The following CASP4 variants were observed in gnomAD, a reference collection of about 807,000 sequenced individuals.
CASP4 encodes the protein caspase-4.
CASP4 carries 29 observed loss-of-function variants against 41.3 expected under a neutral mutation model. The ratio of observed to expected loss-of-function variants is 0.70; its 90% confidence interval spans 0.52 to 0.96. CASP4 has a LOEUF of 0.96. CASP4 is among the 40% of genes least tolerant of loss of function. The pLI is 0.00. For synonymous variants in CASP4, 185 were observed against 158.4 expected (o/e 1.17, Z -1.26); for missense variants, 447 against 460.6 (o/e 0.97, Z 0.27).
rs749393135 is a variant in CASP4 at position 104,947,067 on chromosome 11, GAA to G, written c.1035+14_1035+15del. 53 of 1,493,738 alleles carry G rather than the reference GAA, an allele frequency of 3.5e-5. No homozygotes were observed. The South Asian group carries it at 5.2e-4, about 15-fold the overall frequency. The allele number at this position is 1,493,738 out of a possible 1,614,324, so 92.5% of individuals were successfully genotyped here. ...TCCTGAAGAAATAAATGAGTAACTA[GAA>G]AAGAGACACTTACCTTCCGAAATAC... On this transcript the variant is annotated intron_variant, in intron 7 of 8. Transcript: ENST00000444739.
At chr11:104,966,778 G>A (rs1860985053) in intron 1 of CASP4, among the ~76,000 whole-genome samples, 1 of 152,128 alleles carries the variant, frequency 6.6e-6, no homozygotes, top group Non-Finnish European at 1.5e-5. Flanking sequence ...TAGATTAATG[G>A]CAGAGTTTGA....
chr11:104,949,640 C>A lies in CASP4; in HGVS notation c.684G>T (p.Val228=). 1 of 1,613,996 alleles carries A rather than the reference C, an allele frequency of 6.2e-7. No homozygotes were observed. Among genetic ancestry groups the A allele is most frequent in the Non-Finnish European group, 8.5e-7 (1 of 1,179,916 alleles). ...GTVHDEKKPD[V]LLYDTIFQIF... ...TCTGGAAGATGGTGTCATAAAGCAG[C>A]ACATCTGGTTTTTTCTCATCATGCA... is the stretch of plus-strand genomic sequence containing the variant. Residue 228 remains valine, a synonymous_variant, in exon 5 of 9, where the codon GTG becomes GTT. Coordinates refer to ENST00000444739, the MANE Select transcript of CASP4 (RefSeq NM_001225.4).
rs146648787 is a variant in CASP4, at chr11:104,948,576, G to C, written c.882C>G (p.Thr294=). The C allele has an allele frequency of 1.9e-6, 3 of 1,610,508 alleles. No individual in the cohort carries two copies. The highest frequency in any genetic ancestry group is 2.5e-6 in the Non-Finnish European group (3 of 1,177,944). The change falls in exon 6 of 9, where the codon ACC becomes ACG. Residue 294 remains threonine, a synonymous_variant. Coordinates refer to ENST00000444739, the MANE Select transcript of CASP4 (RefSeq NM_001225.4). ...AAGCAATGAAGTCCTTCTCCACGTG[G>C]GTCTTGTAAACAGCATCTTCCTCTA... ...ENLEEDAVYK[T]HVEKDFIAFC... is the part of the protein sequence containing the mutation.
chr11:104,962,050 GT>G (rs1049143009), intron 1 of CASP4, among the ~76,000 whole-genome samples: 4 of 152,188 alleles, frequency 2.6e-5, no homozygotes, highest in African/African-American at 9.6e-5. Flanking sequence ...ACTAGTGTCT[GT>G]TTTGTTATGT....
rs762820315 is a variant in CASP4 at position 104,949,691 on chromosome 11, G to A, written c.633C>T (p.Gly211=). ...CAGTTCCGCAGATTCCCTCCAGGAT[G>A]CCATGAGACATGAGTACCAAGAATG... The part of the protein sequence containing the change: ...DSTFLVLMSH[G]ILEGICGTVH... The change falls in exon 5 of 9, where the codon GGC becomes GGT. Residue 211 remains glycine (G), a synonymous_variant. Coordinates refer to ENST00000444739, the MANE Select transcript of CASP4 (RefSeq NM_001225.4). The A allele has an allele frequency of 6.2e-6, 10 of 1,613,934 alleles. No homozygotes were observed. Among genetic ancestry groups the A allele is most frequent in the South Asian group, 2.2e-5 (2 of 91,084 alleles).
chr11:104,960,708 G>A (rs1860839079), intron 1 of CASP4, among the ~76,000 whole-genome samples: 2 of 152,140 alleles, frequency 1.3e-5, no homozygotes, highest in Non-Finnish European at 1.5e-5. Flanking sequence ...GACCTCAGGT[G>A]ATCCACCCAT....
intron 1 of CASP4, among the ~76,000 whole-genome samples, chr11:104,961,982 G>A (rs1860871058): frequency 6.6e-6 from 1 of 152,148 alleles, no homozygotes; most frequent in South Asian, 2.1e-4. Flanking sequence ...AAGACAACAG[G>A]GACGAACAGA....
At chr11:104,946,153 G>A (rs895844925) in intron 7 of CASP4, among the ~76,000 whole-genome samples, 14 of 152,018 alleles carry the variant, frequency 9.2e-5, no homozygotes, top group African/African-American at 3.1e-4. Context: ...GTTCTGGATG[G>A]CTTTCTTCTA....
intron 1 of CASP4, among the ~76,000 whole-genome samples, chr11:104,960,783 T>TA (rs1860840926): frequency 6.6e-6 from 1 of 152,088 alleles, no homozygotes; most frequent in African/African-American, 2.4e-5. Flanking sequence ...CCTTTTTTTT[T>TA]ATTTTTCCAT....
chr11:104,958,163 C>T (rs1438308011), intron 1 of CASP4, among the ~76,000 whole-genome samples: 1 of 151,996 alleles, frequency 6.6e-6, no homozygotes, highest in East Asian at 1.9e-4. Context: ...AATGTAAGAA[C>T]CAAAACTGTG....
At chr11:104,959,887 G>A (rs1202376288) in intron 1 of CASP4, among the ~76,000 whole-genome samples, 2 of 151,656 alleles carry the variant, frequency 1.3e-5, no homozygotes, top group African/African-American at 2.4e-5. Flanking sequence ...ACTTCTATTC[G>A]GGCCAACATC....
At chr11:104,967,128 A>T (rs769675779) in intron 1 of CASP4, among the ~76,000 whole-genome samples, 1 of 152,230 alleles carries the variant, frequency 6.6e-6, no homozygotes, top group Non-Finnish European at 1.5e-5. Context: ...TAAACACATT[A>T]CAGGATACAA....
chr11:104,967,111 T>G (rs982536208), intron 1 of CASP4, among the ~76,000 whole-genome samples: 1 of 152,192 alleles, frequency 6.6e-6, no homozygotes, highest in Non-Finnish European at 1.5e-5. Context: ...CAAAGTGATG[T>G]AATGCTTAAA....
intron 7 of CASP4, among the ~76,000 whole-genome samples, chr11:104,945,256 T>C (rs940601964): frequency 6.9e-4 from 2 of 2,896 alleles, no homozygotes; most frequent in African/African-American, 7.7e-4. Context: ...ATCTTTCTTT[T>C]TTTTTTTTTT....
At chr11:104,951,259 A>T (rs1486983801) in intron 3 of CASP4, 161 bp from the exon 4 acceptor site, 3 of 534,404 alleles carry the variant, frequency 5.6e-6, no homozygotes, top group Non-Finnish European at 9.7e-6. Context: ...CCAGGGAAAG[A>T]ACCGGACATA....
chr11:104,948,038 C>T (rs917659569), intron 6 of CASP4: 4 of 152,074 alleles, frequency 2.6e-5, no homozygotes, highest in African/African-American at 9.7e-5. Context: ...AAATCAAAAA[C>T]AGTTAAATGT....
At chr11:104,965,716 C>A (rs1860958922) in intron 1 of CASP4, among the ~76,000 whole-genome samples, 1 of 152,182 alleles carries the variant, frequency 6.6e-6, no homozygotes, top group Non-Finnish European at 1.5e-5. Context: ...TCTCCCTTTG[C>A]AGGACTAACA....
chr11:104,952,746 A>G (rs76689678), intron 2 of CASP4, among the ~76,000 whole-genome samples: 1,733 of 152,296 alleles, frequency 0.011, 22 homozygotes, highest in African/African-American at 0.033. Flanking sequence ...ATGAACTTCA[A>G]TTATCCCTGT....
chr11:104,967,843 C>T (rs112094976), intron 1 of CASP4, among the ~76,000 whole-genome samples: 4,093 of 152,230 alleles, frequency 0.027, 178 homozygotes, highest in African/African-American at 0.087. Context: ...TGCTGGAATA[C>T]TAGCTGCCTA....
Sources: allele counts gnomAD v4.1 joint callset (sites outside exome capture counted in the v4.1 genomes callset), GRCh38; gene constraint gnomAD v4.1.1; transcripts MANE v1.5; gene names NCBI Gene and HGNC (gene_info 2026-07-23, HGNC 2026-07-21).